The following PDSS2 variants were observed in gnomAD, a reference collection of about 807,000 sequenced individuals.
The protein encoded by PDSS2 is all trans-polyprenyl-diphosphate synthase PDSS2.
A neutral mutation model predicts 44.5 loss-of-function variants in PDSS2; 31 were observed. The ratio of observed to expected loss-of-function variants is 0.70; its 90% confidence interval spans 0.52 to 0.94. PDSS2 has a LOEUF of 0.94. Ranked by LOEUF, PDSS2 falls within the 40% of genes least tolerant of loss-of-function variation. The pLI is 0.00. For synonymous variants in PDSS2, 157 were observed against 180.3 expected, an observed-to-expected ratio of 0.87 and a Z score of 1.03; for missense variants, 452 against 482.2, an observed-to-expected ratio of 0.94 and a Z score of 0.59.
At chr6:107,445,179 T>C (rs1003413737) in intron 1 of PDSS2, among the ~76,000 whole-genome samples, 19 of 150,780 alleles carry the variant, frequency 1.3e-4, no homozygotes, top group Non-Finnish European at 2.4e-4. Flanking sequence ...TTTTTATAAA[T>C]TACATATTTT....
intron 1 of PDSS2, among the ~76,000 whole-genome samples, chr6:107,420,751 T>C (rs966628715): frequency 4.0e-5 from 6 of 151,268 alleles, no homozygotes; most frequent in South Asian, 2.1e-4. Flanking sequence ...GAAGAGAACA[T>C]AGGAGAACAT....
At chr6:107,189,669 A>G (rs928424848) in intron 7 of PDSS2, among the ~76,000 whole-genome samples, 11 of 152,172 alleles carry the variant, frequency 7.2e-5, no homozygotes, top group African/African-American at 1.9e-4. Flanking sequence ...ACGGCAAGAA[A>G]AGACTAACAC....
At chr6:107,182,656 G>C (rs1000014071) in intron 7 of PDSS2, among the ~76,000 whole-genome samples, 7 of 152,054 alleles carry the variant, frequency 4.6e-5, no homozygotes, top group African/African-American at 1.4e-4. Context: ...TGTTTCACAT[G>C]GTACAAAAGC....
intron 4 of PDSS2, among the ~76,000 whole-genome samples, chr6:107,226,974 C>A (rs936876505): frequency 6.7e-5 from 10 of 149,800 alleles, no homozygotes; most frequent in African/African-American, 2.5e-4. Flanking sequence ...CCCGGCCCAG[C>A]CAAACCCAGC....
intron 1 of PDSS2, among the ~76,000 whole-genome samples, chr6:107,390,593 G>C (rs1455940685): frequency 2.0e-5 from 3 of 152,116 alleles, no homozygotes; most frequent in Non-Finnish European, 4.4e-5. Flanking sequence ...TCTGAATAAA[G>C]TCTGGAGTTT....
chr6:107,381,583 T>C (rs1284915975), intron 1 of PDSS2, among the ~76,000 whole-genome samples: 3 of 152,196 alleles, frequency 2.0e-5, no homozygotes, highest in Admixed American at 2.0e-4. Context: ...TTTGGAACAT[T>C]TGGCACAGTC....
chr6:107,368,959 T>C (rs1779047112), intron 1 of PDSS2, among the ~76,000 whole-genome samples: 1 of 152,206 alleles, frequency 6.6e-6, no homozygotes, highest in African/African-American at 2.4e-5. Flanking sequence ...AGTATTGGTA[T>C]AATGATAGGC....
intron 3 of PDSS2, among the ~76,000 whole-genome samples, chr6:107,267,176 T>C (rs1446627962): frequency 6.6e-6 from 1 of 152,198 alleles, no homozygotes; most frequent in Non-Finnish European, 1.5e-5. Flanking sequence ...GTGGCAACTA[T>C]ACCGAGGCAA....
intron 4 of PDSS2, chr6:107,230,013 A>T (rs546481015): frequency 4.7e-6 from 1 of 212,980 alleles, no homozygotes; most frequent in South Asian, 8.7e-5. Flanking sequence ...AGAAATGTGA[A>T]CCCAGATATG....
At chr6:107,396,875 T>C (rs1779965357) in intron 1 of PDSS2, among the ~76,000 whole-genome samples, 1 of 151,698 alleles carries the variant, frequency 6.6e-6, no homozygotes, top group African/African-American at 2.4e-5. Context: ...TTTATTTTTA[T>C]AGAGACAGGG....
intron 2 of PDSS2, among the ~76,000 whole-genome samples, chr6:107,319,709 T>C (rs1206209011): frequency 2.0e-5 from 3 of 152,220 alleles, no homozygotes; most frequent in African/African-American, 7.2e-5. Flanking sequence ...TTGCATAAAG[T>C]ACCTTTGAAA....
chr6:107,176,663 C>G (rs1241006609), intron 7 of PDSS2, among the ~76,000 whole-genome samples: 1 of 152,086 alleles, frequency 6.6e-6, no homozygotes, highest in Non-Finnish European at 1.5e-5. Context: ...GGCCTGCCAT[C>G]CACAAAGAGC....
intron 6 of PDSS2, among the ~76,000 whole-genome samples, chr6:107,205,956 C>T (rs1376428428): frequency 6.6e-6 from 1 of 152,218 alleles, no homozygotes; most frequent in Non-Finnish European, 1.5e-5. Flanking sequence ...GTAGATGAGA[C>T]ACAAACCTGC....
In PDSS2 at chr6:107,280,482, C is replaced by T. The variant is rs562760983; in HGVS notation, c.432-6255G>A. On this transcript the variant is annotated intron_variant, in intron 2 of 7. Transcript: ENST00000369037. ...TAAATGTTTTTACAAGATTTTTCAC[C>T]AAATCACTTTCTTTCCATTATATGT... Among the ~76,000 whole-genome samples the T allele has an allele frequency of 3.3e-5, 5 of 152,264 alleles. No homozygotes were observed. The South Asian group carries it at 1.0e-3, about 32-fold the overall frequency.
intron 2 of PDSS2, among the ~76,000 whole-genome samples, chr6:107,300,670 G>A (rs765425539): frequency 2.0e-5 from 3 of 152,162 alleles, no homozygotes; most frequent in Admixed American, 1.3e-4. Context: ...CATTTGAGCC[G>A]GATGGGTAAC....
intron 1 of PDSS2, among the ~76,000 whole-genome samples, chr6:107,409,715 T>C (rs76454659): frequency 0.038 from 5,729 of 152,282 alleles, 356 homozygotes; most frequent in African/African-American, 0.13. Flanking sequence ...GCTAAACTCA[T>C]GTAATCCTCA....
chr6:107,334,291 C>T lies in PDSS2; in HGVS notation c.338G>A (p.Gly113Asp), dbSNP rs746665680. ...HDSWNSLQLR[G>D]LVVLLISKAA... ...TTTAGAGATAAGGAGCACCACCAAGCCCCTCAACTGGAGGCTATTCCAGCT... is the reference window on the plus strand; with the variant it reads ...TTTAGAGATAAGGAGCACCACCAAGTCCCTCAACTGGAGGCTATTCCAGCT... Residue 113 changes from glycine to aspartate, a missense_variant, in exon 2 of 8, where the codon GGC becomes GAC. By Grantham distance (94) the Gly-to-Asp change is moderately conservative. Transcript: ENST00000369037. 11 of 1,613,490 alleles carry T rather than the reference C, an allele frequency of 6.8e-6. No individual in the cohort carries two copies. The highest frequency in any genetic ancestry group is 2.2e-5 in the East Asian group (1 of 44,858).
intron 7 of PDSS2, among the ~76,000 whole-genome samples, chr6:107,185,001 G>A (rs1484419034): frequency 1.3e-5 from 2 of 151,808 alleles, no homozygotes; most frequent in Non-Finnish European, 2.9e-5. Flanking sequence ...GACCAGTGCA[G>A]AGACAGTGCA....
chr6:107,378,624 A>G (rs974401240), intron 1 of PDSS2, among the ~76,000 whole-genome samples: 1 of 152,060 alleles, frequency 6.6e-6, no homozygotes, highest in Non-Finnish European at 1.5e-5. Context: ...GTTCTTTACT[A>G]AAAGTACAAA....
Sources: gnomAD v4.1 joint callset for allele counts (sites outside exome capture counted in the v4.1 genomes callset) on GRCh38, gnomAD v4.1.1 for gene constraint, MANE v1.5 for transcripts, NCBI Gene and HGNC (gene_info 2026-07-23, HGNC 2026-07-21) for gene names.